Variants in ACO2 observed in about 807,000 individuals in gnomAD.
ACO2 encodes aconitate hydratase, mitochondrial.
Under a neutral mutation model 84.5 loss-of-function variants are expected in ACO2, and 31 were observed. The ratio of observed to expected loss-of-function variants is 0.37; its 90% CI spans 0.28 to 0.50. The LOEUF (loss-of-function observed/expected upper bound fraction) is 0.50, where lower values mean the gene tolerates loss of function less well. Among genes scored for constraint, ACO2 ranks in the 20% least tolerant of loss-of-function variants. ACO2 has a pLI of 0.97. For missense variants in ACO2, 685 were observed against 1,029.3 expected (o/e 0.67, Z 4.58); for synonymous variants, 414 against 412.7 (o/e 1.00, Z -0.04).
chr22:41,508,793 C>T (rs2066412901), intron 3 of ACO2, among the ~76,000 whole-genome samples: 1 of 152,214 alleles, frequency 6.6e-6, no homozygotes, highest in African/African-American at 2.4e-5. Context: ...TCTGGGCCTC[C>T]CCACTCTCCA....
rs1213581088 is a variant in ACO2 at position 41,515,369 on chromosome 22, T to C, written c.526-8T>C. 6 of 1,612,180 alleles carry C rather than the reference T, an allele frequency of 3.7e-6. No individual in the cohort carries two copies. Among genetic ancestry groups the C allele is most frequent in the Non-Finnish European group, 5.1e-6 (6 of 1,179,858 alleles). On this transcript the variant is annotated splice_polypyrimidine_tract_variant and splice_region_variant and intron_variant, in intron 4 of 17. Coordinates refer to ENST00000216254, the MANE Select transcript of ACO2 (RefSeq NM_001098.3). This position sits in a 1 kb window ranked among gnomAD's most constrained non-coding sequence, Gnocchi z 5.8. ...CTTCTAAATATAACATCTTGGATTA[T>C]TTTTCAGATTATTCTGGAAAACTAT...
chr22:41,473,802 A>G (rs1156258502), intron 1 of ACO2, among the ~76,000 whole-genome samples: 1 of 152,168 alleles, frequency 6.6e-6, no homozygotes, highest in Non-Finnish European at 1.5e-5. Context: ...GGAGACTTCA[A>G]ATAGAAGGAG....
intron 15 of ACO2, 69 bp from the exon 16 acceptor site, chr22:41,527,219 A>G: frequency 1.9e-6 from 3 of 1,610,782 alleles, no homozygotes; most frequent in Non-Finnish European, 1.7e-6. Context: ...GAGGCCAGGC[A>G]GGTAGGGCCA....
chr22:41,475,617 G>A (rs1464089180), intron 1 of ACO2, among the ~76,000 whole-genome samples: 1 of 152,098 alleles, frequency 6.6e-6, no homozygotes, highest in Non-Finnish European at 1.5e-5. Flanking sequence ...CAAATGGGCC[G>A]GACGTGGTGG....
At position 41,528,482 on chromosome 22, in the gene ACO2, C is replaced by T; in HGVS notation, c.2212C>T (p.Leu738=). Residue 738 remains leucine, a synonymous_variant, in exon 18 of 18, where the codon CTG becomes TTG. Coordinates refer to ENST00000216254, the MANE Select transcript of ACO2 (RefSeq NM_001098.3). ...GLKDFTPGKP[L]KCIIKHPNGT... ...CACACCCACCTTCTCCTTGCAGCCCCTGAAGTGCATCATCAAGCACCCCAA... is the reference window on the plus strand; with the variant it reads ...CACACCCACCTTCTCCTTGCAGCCCTTGAAGTGCATCATCAAGCACCCCAA... 1 of 1,612,218 alleles carries T rather than the reference C, an allele frequency of 6.2e-7. No individual in the cohort carries two copies. Among genetic ancestry groups the T allele is most frequent in the Non-Finnish European group, 8.5e-7 (1 of 1,179,992 alleles).
At chr22:41,523,021 ACCCCATGC>A (rs765632202) in intron 10 of ACO2, 34 bp downstream of exon 10, 1 of 1,609,694 alleles carries the variant, frequency 6.2e-7, no homozygotes, top group Non-Finnish European at 8.5e-7. Flanking sequence ...CATCTCCCCC[ACCCCATGC>A]TGAGTAATGC....
chr22:41,508,453 C>T (rs1601910194), intron 3 of ACO2, among the ~76,000 whole-genome samples: 1 of 152,174 alleles, frequency 6.6e-6, no homozygotes, highest in East Asian at 1.9e-4. Flanking sequence ...CCTCCAAGGA[C>T]CCTCTCCGGG....
Position 41,525,061 on chromosome 22 carries a change from G to A in ACO2, c.1605+93G>A, listed in dbSNP as rs74593700. ...CACCTCCTGTGCAGGCAGGGAGGGC[G>A]CTGCTAGTGAGAAGGAAGCAGCTCT... On this transcript the variant is annotated intron_variant, in intron 13 of 17. Coordinates refer to ENST00000216254, the MANE Select transcript of ACO2 (RefSeq NM_001098.3). 4,911 of 1,604,894 alleles carry A rather than the reference G, an allele frequency of 3.1e-3. 130 individuals carry two copies. In the African/African-American group the frequency reaches 0.057, roughly 19 times the overall value.
At position 41,527,620 on chromosome 22, in the gene ACO2, C is replaced by T. The variant is rs926103597; in HGVS notation, c.2086+200C>T. Reference sequence around the variant, plus strand: ...CCCGGCTTCCCGCAGGCCCTGCTTCCAGGCTTGTAGATCTGAGCCGCTGAG... The same window carrying T: ...CCCGGCTTCCCGCAGGCCCTGCTTCTAGGCTTGTAGATCTGAGCCGCTGAG... On this transcript the variant is annotated intron_variant, in intron 16 of 17. Coordinates refer to ENST00000216254, the MANE Select transcript of ACO2 (RefSeq NM_001098.3). 6.6e-5 allele frequency: 56 copies of T among 853,750 alleles called. No individual in the cohort carries two copies. In the African/African-American group the frequency reaches 8.7e-4, roughly 13 times the overall value. 52.9% of individuals were successfully genotyped at this position (853,750 alleles called of 1,614,324 possible). A position where few individuals can be genotyped will look rare whatever the true frequency, so the allele number is the denominator to read the frequency against.
At chr22:41,526,976 C>T (rs933506904) in intron 15 of ACO2, 6 of 462,328 alleles carry the variant, frequency 1.3e-5, no homozygotes, top group Middle Eastern at 5.9e-4. Flanking sequence ...GTGTGGGGCC[C>T]GGAGGCCGTC....
chr22:41,497,100 G>A lies in ACO2; in HGVS notation c.37-2626G>A, dbSNP rs977358221. On this transcript the variant is annotated intron_variant, in intron 1 of 17. Coordinates refer to ENST00000216254, the MANE Select transcript of ACO2 (RefSeq NM_001098.3). Reference sequence around the variant, plus strand: ...CTTTTTTTTTTCGAGACGGAGTTTCGCTCTGTCACCCAGGCTGGAGTGAAG... The same window carrying A: ...CTTTTTTTTTTCGAGACGGAGTTTCACTCTGTCACCCAGGCTGGAGTGAAG... Among the ~76,000 whole-genome samples the A allele has an allele frequency of 4.0e-5, 6 of 150,936 alleles. No individual in the cohort carries two copies. The East Asian group carries it at 5.8e-4, about 15-fold the overall frequency.
At chr22:41,505,421 TAATAAC>T (rs1316557466) in intron 2 of ACO2, among the ~76,000 whole-genome samples, 4 of 146,102 alleles carry the variant, frequency 2.7e-5, no homozygotes, top group Non-Finnish European at 4.6e-5. Flanking sequence ...TGTCTCAAAA[TAATAAC>T]AATAATAATA....
intron 1 of ACO2, among the ~76,000 whole-genome samples, chr22:41,499,074 G>T (rs566802724): frequency 1.0e-3 from 152 of 150,930 alleles, no homozygotes; most frequent in African/African-American, 3.6e-3. Context: ...TCCCACCTGG[G>T]CGGCAAGACT....
At chr22:41,509,156 T>G (rs548091731) in intron 3 of ACO2, among the ~76,000 whole-genome samples, 8 of 152,258 alleles carry the variant, frequency 5.3e-5, no homozygotes, top group African/African-American at 1.9e-4. Context: ...GCCGGGAACG[T>G]GGGTCCTCTG....
intron 3 of ACO2, among the ~76,000 whole-genome samples, chr22:41,508,707 C>T (rs1016131737): frequency 6.6e-6 from 1 of 152,234 alleles, no homozygotes; most frequent in Non-Finnish European, 1.5e-5. Context: ...CGAGTTCCTG[C>T]TCCTTCTCCC....
chr22:41,507,534 T>C (rs1211479282), intron 2 of ACO2, among the ~76,000 whole-genome samples: 7 of 152,216 alleles, frequency 4.6e-5, no homozygotes. Flanking sequence ...AGCGCTGCCC[T>C]CTTGTGATGT....
chr22:41,528,062 G>C (rs748713048), intron 17 of ACO2, 40 bp downstream of exon 17: 3 of 1,613,072 alleles, frequency 1.9e-6, no homozygotes, highest in African/African-American at 1.3e-5. Flanking sequence ...GGGGTGAGGG[G>C]CAGCCACCTT....
At chr22:41,491,655 C>G (rs2066272427) in intron 1 of ACO2, among the ~76,000 whole-genome samples, 1 of 152,222 alleles carries the variant, frequency 6.6e-6, no homozygotes, top group South Asian at 2.1e-4. Context: ...GTCACCACTT[C>G]TAGTTTTACG....
intron 1 of ACO2, among the ~76,000 whole-genome samples, chr22:41,483,620 G>A (rs1224258425): frequency 6.6e-6 from 1 of 150,950 alleles, no homozygotes; most frequent in Non-Finnish European, 1.5e-5. Context: ...TTGCGCCACC[G>A]TATTCCAGCA....
Sources: allele counts gnomAD v4.1 joint callset (sites outside exome capture counted in the v4.1 genomes callset), GRCh38; gene constraint gnomAD v4.1.1; non-coding constraint Gnocchi (gnomAD v3.1); transcripts MANE v1.5; gene names NCBI Gene and HGNC (gene_info 2026-07-23, HGNC 2026-07-21).